The following ADARB1 variants were observed in gnomAD, a reference collection of about 807,000 sequenced individuals.
ADARB1 encodes the protein double-stranded RNA-specific editase 1.
A neutral mutation model predicts 52.4 loss-of-function variants in ADARB1; 10 were observed. That is an observed-to-expected ratio of 0.19 (90% CI 0.12 to 0.32). The LOEUF is 0.32. Ranked by LOEUF, ADARB1 falls within the 10% of genes least tolerant of loss-of-function variation. The pLI is 1.00. For synonymous variants in ADARB1, 349 were observed against 371.1 expected (o/e 0.94, Z 0.68); for missense variants, 643 against 922.3 (o/e 0.70, Z 3.92).
intron 1 of ADARB1, among the ~76,000 whole-genome samples, chr21:45,095,529 CCATCCCGCTGTTTCAGGGTTCTG>C (rs2086722683): frequency 6.6e-6 from 1 of 152,192 alleles, no homozygotes; most frequent in African/African-American, 2.4e-5. Flanking sequence ...TTCTGTCTCT[CCATCCCGCTGTTTCAGGGTTCTG>C]CATCCTGCTG....
chr21:45,223,391 C>T lies in ADARB1; in HGVS notation c.*1194C>T, dbSNP rs964439025. ...GCCCAGCGTGCACGGGACGGCCCCA[C>T]GACAGAGGGAGTCAGCCCGGGAGGT... On this transcript the variant is annotated 3_prime_UTR_variant, in exon 11 of 11. Transcript: ENST00000348831. 1.7e-5 allele frequency: 17 copies of T among 985,630 alleles called. No homozygotes were observed. Among genetic ancestry groups the T allele is most frequent in the Non-Finnish European group, 1.9e-5 (16 of 830,170 alleles). The allele number at this position is 985,630 out of a possible 1,614,324, so 61.1% of individuals were successfully genotyped here. A position where few individuals can be genotyped will look rare whatever the true frequency, so the allele number is the denominator to read the frequency against.
intron 1 of ADARB1, chr21:45,117,030 G>A (rs747242334): frequency 7.9e-5 from 12 of 152,152 alleles, no homozygotes; most frequent in Non-Finnish European, 1.6e-4. Context: ...ACTGGCGCAT[G>A]GAGGAATGGT....
chr21:45,160,491 T>G lies in ADARB1; in HGVS notation c.-47-11119T>G, dbSNP rs149736217. On this transcript the variant is annotated intron_variant, in intron 2 of 10. Transcript: ENST00000348831. ...CTGATTCAGCTTTGTTCCCTTAGAG[T>G]TGCCCCAGCACTGCTTTGCCATGAT... 2.1e-3 allele frequency among the ~76,000 whole-genome samples: 318 copies of G among 152,364 alleles called. 1 individual carries two copies. The highest frequency in any genetic ancestry group is 3.8e-3 in the Non-Finnish European group (258 of 68,034).
At chr21:45,206,560 C>CTTTTTTTTTTT (rs71199660) in intron 9 of ADARB1, among the ~76,000 whole-genome samples, 6 of 54,918 alleles carry the variant, frequency 1.1e-4, no homozygotes, top group African/African-American at 1.5e-4. Flanking sequence ...CTTCTCTGGT[C>CTTTTTTTTTTT]TTTTTTTTTT....
intron 1 of ADARB1, among the ~76,000 whole-genome samples, chr21:45,112,279 C>G (rs1261760392): frequency 2.0e-5 from 3 of 152,174 alleles, no homozygotes; most frequent in Admixed American, 1.3e-4. Flanking sequence ...ATTGACTCAT[C>G]ATTTTTGAGT....
chr21:45,101,247 G>A (rs1412039902), intron 1 of ADARB1, among the ~76,000 whole-genome samples: 1 of 152,132 alleles, frequency 6.6e-6, no homozygotes, highest in Non-Finnish European at 1.5e-5. Context: ...GTAGCGCTCC[G>A]GAGCTGGCTC....
At chr21:45,111,444 TTGA>T (rs1015276276) in intron 1 of ADARB1, among the ~76,000 whole-genome samples, 2 of 152,144 alleles carry the variant, frequency 1.3e-5, no homozygotes, top group African/African-American at 4.8e-5. Flanking sequence ...TTTGTTACAG[TTGA>T]TGACCCCATG....
chr21:45,203,799 A>G (rs1601951386), intron 8 of ADARB1, among the ~76,000 whole-genome samples: 1 of 152,186 alleles, frequency 6.6e-6, no homozygotes, highest in Non-Finnish European at 1.5e-5. Context: ...TCCTTTTTTA[A>G]GAAGTATAGT....
At chr21:45,097,566 C>G (rs1016382357) in intron 1 of ADARB1, among the ~76,000 whole-genome samples, 2 of 151,832 alleles carry the variant, frequency 1.3e-5, no homozygotes, top group African/African-American at 4.8e-5. Context: ...GCTGTCCAGG[C>G]AGGAGTGATG....
chr21:45,201,523 C>T (rs2838809), intron 8 of ADARB1, among the ~76,000 whole-genome samples: 18,366 of 152,172 alleles, frequency 0.12, 1,329 homozygotes, highest in African/African-American at 0.19. Context: ...GGTATTGAAT[C>T]ATTTCATGCT....
At chr21:45,173,025 CA>C (rs1451850137) in intron 3 of ADARB1, among the ~76,000 whole-genome samples, 1 of 152,200 alleles carries the variant, frequency 6.6e-6, no homozygotes, top group Non-Finnish European at 1.5e-5. Context: ...ACCAACGGAG[CA>C]TGTGCAGGGG....
intron 2 of ADARB1, among the ~76,000 whole-genome samples, chr21:45,148,696 G>A (rs1421295136): frequency 6.6e-6 from 1 of 152,106 alleles, no homozygotes; most frequent in African/African-American, 2.4e-5. Context: ...GCTGCTCATG[G>A]GCATCACAGA....
chr21:45,183,732 T>C (rs945894222), intron 7 of ADARB1, among the ~76,000 whole-genome samples: 7 of 152,242 alleles, frequency 4.6e-5, no homozygotes, highest in African/African-American at 1.7e-4. Context: ...ACCAAGTAAT[T>C]AGAATGGAGT....
chr21:45,224,383 C>T lies in ADARB1; in HGVS notation c.*2186C>T, dbSNP rs1218140835. The T allele has an allele frequency of 2.0e-6, 2 of 985,312 alleles. No individual in the cohort carries two copies. Among genetic ancestry groups the T allele is most frequent in the African/African-American group, 3.5e-5 (2 of 57,182 alleles). The allele number at this position is 985,312 out of a possible 1,614,324, so 61.0% of individuals were successfully genotyped here. ...GCTACCTTGAGACCATGTGAGGTGG[C>T]ACCTTTCCGGGGTGGACTCGTGCGG... On this transcript the variant is annotated 3_prime_UTR_variant, in exon 11 of 11. Transcript: ENST00000348831.
At chr21:45,215,389 T>G (rs1479220173) in intron 9 of ADARB1, among the ~76,000 whole-genome samples, 5 of 150,842 alleles carry the variant, frequency 3.3e-5, no homozygotes, top group Non-Finnish European at 7.4e-5. Context: ...CTCAAGACAT[T>G]TTTTTTTTCT....
rs2092538509 is a variant in ADARB1, at chr21:45,200,850, G to A, written c.1566-3705G>A. 2.6e-5 allele frequency among the ~76,000 whole-genome samples: 4 copies of A among 152,204 alleles called. No homozygotes were observed. Among genetic ancestry groups the A allele is most frequent in the African/African-American group, 7.2e-5 (3 of 41,426 alleles). ...TCCTGCCCTGTGTGGTCTGGCCGAC[G>A]TCTGTCTGCAGCTCAGTCTCTCAGG... On this transcript the variant is annotated intron_variant, in intron 8 of 10. Coordinates refer to ENST00000348831, the MANE Select transcript of ADARB1 (RefSeq NM_001112.4). This position sits in a 1 kb window ranked among gnomAD's most constrained non-coding sequence, Gnocchi z 5.0.
intron 1 of ADARB1, chr21:45,118,518 A>G (rs2087956282): frequency 6.6e-6 from 1 of 152,218 alleles, no homozygotes; most frequent in Non-Finnish European, 1.5e-5. Context: ...CTAGGATCGT[A>G]TAATTTTCCT....
At chr21:45,159,889 G>A (rs2090873852) in intron 2 of ADARB1, among the ~76,000 whole-genome samples, 1 of 152,230 alleles carries the variant, frequency 6.6e-6, no homozygotes, top group South Asian at 2.1e-4. Context: ...GAGCCAACCT[G>A]TCACTTCCAT....
In ADARB1 at chr21:45,166,010, A is replaced by T. The variant is rs1244414111; in HGVS notation, c.-47-5600A>T. The stretch of plus-strand genomic sequence containing the variant: ...GTCTTAAACAGTTTTTAATCTATAA[A>T]CTTTTAGTGGACTCCTAAAGATGAC... On this transcript the variant is annotated intron_variant, in intron 2 of 10. Coordinates refer to ENST00000348831, the MANE Select transcript of ADARB1 (RefSeq NM_001112.4). 2.0e-5 allele frequency among the ~76,000 whole-genome samples: 3 copies of T among 152,162 alleles called. No homozygotes were observed. In the East Asian group the frequency reaches 5.8e-4, roughly 29 times the overall value.
Sources: gnomAD v4.1 joint callset for allele counts (sites outside exome capture counted in the v4.1 genomes callset) on GRCh38, gnomAD v4.1.1 for gene constraint, Gnocchi (gnomAD v3.1) non-coding constraint, MANE v1.5 for transcripts, NCBI Gene and HGNC (gene_info 2026-07-23, HGNC 2026-07-21) for gene names.